KCNQ3: variants seen among roughly 807,000 people sequenced by gnomAD.
The protein encoded by KCNQ3 is potassium voltage-gated channel subfamily Q member 3, also known as potassium voltage-gated channel subfamily KQT member 3.
Under a neutral mutation model 92.5 loss-of-function variants are expected in KCNQ3, and 30 were observed. The observed-to-expected ratio is 0.32, with a 90% CI of 0.24 to 0.44. The LOEUF is 0.44. Among genes scored for constraint, KCNQ3 ranks in the 20% least tolerant of loss-of-function variants. The pLI, the probability that KCNQ3 is intolerant of heterozygous loss-of-function variation, is 1.00. For synonymous variants in KCNQ3, 450 were observed against 468.8 expected (o/e 0.96, Z 0.52); for missense variants, 913 against 1,140.3 (o/e 0.80, Z 2.87).
intron 1 of KCNQ3, among the ~76,000 whole-genome samples, chr8:132,456,928 A>G (rs1188096522): frequency 6.6e-6 from 1 of 152,206 alleles, no homozygotes; most frequent in Non-Finnish European, 1.5e-5. Flanking sequence ...TCTTAAAGTC[A>G]TAAAAAACTA....
chr8:132,442,511 C>T (rs1337713737), intron 1 of KCNQ3, among the ~76,000 whole-genome samples: 3 of 152,108 alleles, frequency 2.0e-5, no homozygotes, highest in Non-Finnish European at 2.9e-5. Context: ...AGTCTGGCAA[C>T]GAGTAAGGGC....
chr8:132,202,220 C>A (rs1827486255), intron 1 of KCNQ3, among the ~76,000 whole-genome samples: 1 of 152,072 alleles, frequency 6.6e-6, no homozygotes, highest in African/African-American at 2.4e-5. Flanking sequence ...CACCCAGGCA[C>A]CTCTCTGGAA....
chr8:132,415,815 T>G (rs747630621), intron 1 of KCNQ3, among the ~76,000 whole-genome samples: 2 of 152,122 alleles, frequency 1.3e-5, no homozygotes, highest in Non-Finnish European at 2.9e-5. Context: ...ACAGTACATA[T>G]GCAGCATATC....
intron 1 of KCNQ3, among the ~76,000 whole-genome samples, chr8:132,371,727 T>C (rs1819478142): frequency 6.6e-6 from 1 of 152,192 alleles, no homozygotes; most frequent in South Asian, 2.1e-4. Flanking sequence ...GGTAAAGCTT[T>C]ATCCCTTTAA....
chr8:132,402,923 C>T (rs1433406499), intron 1 of KCNQ3, among the ~76,000 whole-genome samples: 2 of 144,912 alleles, frequency 1.4e-5, no homozygotes, highest in Non-Finnish European at 3.0e-5. Flanking sequence ...GAGGCTGAGG[C>T]AGGGGAATCG....
rs756884076 is a variant in KCNQ3, at chr8:132,132,300, A to T, written c.1800-36T>A. The T allele has an allele frequency of 2.6e-6, 4 of 1,542,218 alleles. No homozygotes were observed. In the Middle Eastern group the frequency reaches 5.1e-4, roughly 195 times the overall value. The stretch of plus-strand genomic sequence containing the variant: ...GCGAACACTTCTATAAGATCATTAT[A>T]TCTATTTTTGCTATGCAAGGTAATT... On this transcript the variant is annotated intron_variant, in intron 13 of 14. Coordinates refer to ENST00000388996, the MANE Select transcript of KCNQ3 (RefSeq NM_004519.4).
intron 4 of KCNQ3, among the ~76,000 whole-genome samples, chr8:132,178,060 G>T (rs531420121): frequency 2.5e-4 from 38 of 152,310 alleles, no homozygotes; most frequent in African/African-American, 8.7e-4. Flanking sequence ...AATGGTCTCT[G>T]GTAATTACAT....
chr8:132,317,598 G>C (rs1182747219), intron 1 of KCNQ3, among the ~76,000 whole-genome samples: 1 of 152,150 alleles, frequency 6.6e-6, no homozygotes, highest in East Asian at 1.9e-4. Context: ...CTCTTTGATG[G>C]CTCATTTTAC....
intron 1 of KCNQ3, among the ~76,000 whole-genome samples, chr8:132,374,252 C>T (rs1187437373): frequency 3.3e-5 from 5 of 152,160 alleles, no homozygotes; most frequent in Admixed American, 6.5e-5. Flanking sequence ...CAAAACCTAC[C>T]AGCCCCTTTC....
intron 1 of KCNQ3, among the ~76,000 whole-genome samples, chr8:132,258,289 T>G (rs1474993080): frequency 6.6e-6 from 1 of 152,082 alleles, no homozygotes; most frequent in African/African-American, 2.4e-5. Context: ...AAAGTGAAAA[T>G]AATTGAAATA....
rs147511843 is a variant in KCNQ3 at position 132,392,670 on chromosome 8, A to T, written c.386+87477T>A. Among the ~76,000 whole-genome samples the T allele has an allele frequency of 3.2e-3, 479 of 151,764 alleles. 3 individuals are homozygous for T. The highest frequency in any genetic ancestry group is 0.011 in the African/African-American group (449 of 41,352). Reference sequence around the variant, plus strand: ...TTTTTAATTAGCTGGGCATGGTGGCACACATCTGTAATCCCAGCTACTCAG... The same window carrying T: ...TTTTTAATTAGCTGGGCATGGTGGCTCACATCTGTAATCCCAGCTACTCAG... On this transcript the variant is annotated intron_variant, in intron 1 of 14. Coordinates refer to ENST00000388996, the MANE Select transcript of KCNQ3 (RefSeq NM_004519.4).
At chr8:132,415,951 T>C (rs1053038895) in intron 1 of KCNQ3, among the ~76,000 whole-genome samples, 1 of 152,190 alleles carries the variant, frequency 6.6e-6, no homozygotes, top group African/African-American at 2.4e-5. Context: ...GCCCATCTGG[T>C]AGGCACCTCC....
intron 1 of KCNQ3, among the ~76,000 whole-genome samples, chr8:132,374,017 C>A (rs1250395819): frequency 1.3e-5 from 2 of 152,100 alleles, no homozygotes; most frequent in Admixed American, 1.3e-4. Context: ...CATCAGAGAC[C>A]ACCCCACAGG....
intron 1 of KCNQ3, among the ~76,000 whole-genome samples, chr8:132,478,728 C>T (rs1325194815): frequency 2.0e-5 from 3 of 152,082 alleles, no homozygotes; most frequent in Non-Finnish European, 4.4e-5. Context: ...CCTGCTGGTT[C>T]CTTAGTTTCC....
At chr8:132,329,725 C>A (rs1333723110) in intron 1 of KCNQ3, among the ~76,000 whole-genome samples, 1 of 152,214 alleles carries the variant, frequency 6.6e-6, no homozygotes, top group Non-Finnish European at 1.5e-5. Context: ...CTCTTGTTAT[C>A]TCTCTAGCTT....
intron 1 of KCNQ3, among the ~76,000 whole-genome samples, chr8:132,374,101 G>A (rs752303095): frequency 3.3e-5 from 5 of 152,156 alleles, no homozygotes; most frequent in Non-Finnish European, 5.9e-5. Context: ...CTGTCAAGGA[G>A]GCCACTTGTC....
At chr8:132,298,947 A>G (rs566666663) in intron 1 of KCNQ3, among the ~76,000 whole-genome samples, 1 of 151,958 alleles carries the variant, frequency 6.6e-6, no homozygotes, top group African/African-American at 2.4e-5. Context: ...AAAAAAAATT[A>G]CTCACTTTTA....
At chr8:132,456,780 T>C (rs1327189482) in intron 1 of KCNQ3, among the ~76,000 whole-genome samples, 1 of 151,990 alleles carries the variant, frequency 6.6e-6, no homozygotes, top group African/African-American at 2.4e-5. Context: ...CCCGGCTAAT[T>C]TTCTTGTATT....
rs550427014 is a variant in KCNQ3 at position 132,363,401 on chromosome 8, G to C, written c.386+116746C>G. 4.6e-5 allele frequency among the ~76,000 whole-genome samples: 7 copies of C among 152,212 alleles called. No individual in the cohort carries two copies. The South Asian group carries it at 1.5e-3, about 32-fold the overall frequency. Reference sequence around the variant, plus strand: ...AACACTTAATTCCATAATTTATTAAGGTCCCTTGGAATGCACTTTGGAAAA... The same window carrying C: ...AACACTTAATTCCATAATTTATTAACGTCCCTTGGAATGCACTTTGGAAAA... On this transcript the variant is annotated intron_variant, in intron 1 of 14. Transcript: ENST00000388996.
Sources: allele counts gnomAD v4.1 joint callset (sites outside exome capture counted in the v4.1 genomes callset), GRCh38; gene constraint gnomAD v4.1.1; transcripts MANE v1.5; gene names NCBI Gene and HGNC (gene_info 2026-07-23, HGNC 2026-07-21).